The following SLC25A22 variants were observed in gnomAD, a reference collection of about 807,000 sequenced individuals.
The protein encoded by SLC25A22 is solute carrier family 25 member 22.
Under a neutral mutation model 33.7 loss-of-function variants are expected in SLC25A22, and 23 were observed. The observed-to-expected ratio is 0.68, with a 90% CI of 0.49 to 0.97. The LOEUF (loss-of-function observed/expected upper bound fraction) is 0.97, where lower values mean the gene tolerates loss of function less well. SLC25A22 is among the 50% of genes least tolerant of loss of function. The probability of loss-of-function intolerance (pLI) is 0.00; values close to 1 mark genes in which losing one functional copy is unlikely to be tolerated. For synonymous variants in SLC25A22, 245 were observed against 203.8 expected, an observed-to-expected ratio of 1.20 and a Z score of -1.72; for missense variants, 390 against 451.1, an observed-to-expected ratio of 0.86 and a Z score of 1.23.
At chr11:795,666 C>T (rs974903393) in intron 1 of SLC25A22, 8 of 186,182 alleles carry the variant, frequency 4.3e-5, no homozygotes, top group Non-Finnish European at 9.2e-5. Context: ...CCAGGTATAG[C>T]TCTCCTCCCA....
chr11:794,459 C>T lies in SLC25A22; in HGVS notation c.201G>A (p.Arg67=), dbSNP rs746482231. 2.5e-5 allele frequency: 41 copies of T among 1,612,882 alleles called. No individual in the cohort carries two copies. Among genetic ancestry groups the T allele is most frequent in the Non-Finnish European group, 3.5e-5 (41 of 1,179,828 alleles). Reference sequence around the variant, plus strand: ...GAGCCCAGCCGAGCCAAACCTCACCCCGGTACATGCCGAAGTAGCCCTCGG... The same window carrying T: ...GAGCCCAGCCGAGCCAAACCTCACCTCGGTACATGCCGAAGTAGCCCTCGG... ...VRSEGYFGMY[R]GAAVNLTLVT... Residue 67 remains arginine, a splice_region_variant and synonymous_variant, in exon 4 of 10, where the codon CGG becomes CGA. Coordinates refer to ENST00000628067, the MANE Select transcript of SLC25A22 (RefSeq NM_001191061.2).
In SLC25A22 at chr11:792,859, C is replaced by T; in HGVS notation, c.412+11G>A. On this transcript the variant is annotated intron_variant, in intron 6 of 9. Coordinates refer to ENST00000628067, the MANE Select transcript of SLC25A22 (RefSeq NM_001191061.2). ...ACCTCTGCCCTCTCCTCCCCCTCCC[C>T]CCGCCCTCACCAATGCGCCCTGCAT... The T allele has an allele frequency of 1.4e-6, 2 of 1,449,662 alleles. No individual in the cohort carries two copies. Among genetic ancestry groups the T allele is most frequent in the Non-Finnish European group, 1.9e-6 (2 of 1,035,392 alleles). 89.8% of individuals were successfully genotyped at this position (1,449,662 alleles called of 1,614,324 possible). A position where few individuals can be genotyped will look rare whatever the true frequency, so the allele number is the denominator to read the frequency against.
In SLC25A22 at chr11:794,867, C is replaced by T. The variant is rs780652429; in HGVS notation, c.55G>A (p.Gly19Arg). 4.5e-6 allele frequency: 7 copies of T among 1,569,364 alleles called. No individual in the cohort carries two copies. The highest frequency in any genetic ancestry group is 1.2e-5 in the South Asian group (1 of 85,516). ...PAKLINGGIA[G>R]LIGVTCVFPI... ...AACACGCAGGTGACACCGATCAGCC[C>T]GGCGATGCCGCCATTGATGAGCTTG... Residue 19 changes from glycine (G) to arginine (R), a missense_variant, in exon 3 of 10, where the codon GGG becomes AGG. Gly to Arg is a moderately radical substitution (Grantham distance 125). Coordinates refer to ENST00000628067, the MANE Select transcript of SLC25A22 (RefSeq NM_001191061.2).
Position 791,070 on chromosome 11 carries a change from A to T in SLC25A22, c.*845T>A, listed in dbSNP as rs886048691. 2 of 152,448 alleles carry T rather than the reference A, an allele frequency of 1.3e-5. No individual in the cohort carries two copies. Among genetic ancestry groups the T allele is most frequent in the Non-Finnish European group, 2.9e-5 (2 of 68,260 alleles). 9.4% of individuals were successfully genotyped at this position (152,448 alleles called of 1,614,324 possible). A position where few individuals can be genotyped will look rare whatever the true frequency, so the allele number is the denominator to read the frequency against. The stretch of plus-strand genomic sequence containing the variant: ...GGACTCAGGAGAGACCAAGCTGGGT[A>T]AGTTAGTTCCTGGACGGGGTCAACA... On this transcript the variant is annotated 3_prime_UTR_variant, in exon 10 of 10. Transcript: ENST00000628067.
At chr11:793,079 G>C in intron 5 of SLC25A22, 91 bp from the exon 6 acceptor site, 1 of 1,235,410 alleles carries the variant, frequency 8.1e-7, no homozygotes, top group South Asian at 1.3e-5. Flanking sequence ...GCAGAGGATG[G>C]TGGGAGCCGT....
intron 1 of SLC25A22, chr11:797,773 G>A (rs1375017981): frequency 5.0e-6 from 2 of 398,584 alleles, no homozygotes; most frequent in African/African-American, 4.1e-5. Context: ...GAGGACAAAG[G>A]AGAAGCGGGT....
Position 792,732 on chromosome 11 carries a change from G to A in SLC25A22, c.413-5C>T, listed in dbSNP as rs1233164557. 1 of 1,545,518 alleles carries A rather than the reference G, an allele frequency of 6.5e-7. No homozygotes were observed. Among genetic ancestry groups the A allele is most frequent in the South Asian group, 1.2e-5 (1 of 85,186 alleles). On this transcript the variant is annotated splice_polypyrimidine_tract_variant and splice_region_variant and intron_variant, in intron 6 of 9. Transcript: ENST00000628067. ...CCAGGATCTTCCTCTGGGCGGCTGG[G>A]GACAAAGAGGCTGCTGTCTCCTCTT...
chr11:793,405 A>G (rs1252751384), intron 5 of SLC25A22, 124 bp downstream of exon 5: 8 of 904,744 alleles, frequency 8.8e-6, no homozygotes, highest in South Asian at 1.4e-5. Flanking sequence ...CACGAGGTCA[A>G]AGAAGCCCCA....
intron 5 of SLC25A22, 152 bp downstream of exon 5, chr11:793,377 A>G: frequency 1.4e-6 from 1 of 729,386 alleles, no homozygotes; most frequent in Non-Finnish European, 2.4e-6. Context: ...TGGTCAGGGG[A>G]AAGGAGGGAG....
chr11:794,181 A>G, intron 4 of SLC25A22: 1 of 690,658 alleles, frequency 1.4e-6, no homozygotes, highest in Non-Finnish European at 2.6e-6. Flanking sequence ...CAGAAGGCAG[A>G]GGCAGCTGTG....
chr11:792,052 C>T lies in SLC25A22; in HGVS notation c.835G>A (p.Glu279Lys). The change falls in exon 10 of 10, where the codon GAG (glutamate) becomes AAG (lysine). Residue 279 changes from glutamate (E) to lysine (K), a missense_variant. Glu to Lys is a moderately conservative substitution (Grantham distance 56, BLOSUM62 1). Coordinates refer to ENST00000628067, the MANE Select transcript of SLC25A22 (RefSeq NM_001191061.2). The stretch of plus-strand genomic sequence containing the variant: ...CCCTTCAGGAAGGCCGAGGGGCCCT[C>T]GTGCCGCAGGATCTTCCTGTGGAGG... ...LDCARKILRH[E>K]GPSAFLKGAY... is the part of the protein sequence containing the mutation. The T allele has an allele frequency of 1.9e-6, 3 of 1,598,778 alleles. No homozygotes were observed. Among genetic ancestry groups the T allele is most frequent in the Non-Finnish European group, 2.6e-6 (3 of 1,173,224 alleles).
chr11:795,075 T>TGGAGGA lies in SLC25A22; in HGVS notation c.-75_-70dup. The TGGAGGA allele has an allele frequency of 7.2e-7, 1 of 1,386,776 alleles. No homozygotes were observed. Among genetic ancestry groups the TGGAGGA allele is most frequent in the African/African-American group, 1.5e-5 (1 of 64,808 alleles). The allele number at this position is 1,386,776 out of a possible 1,614,324, so 85.9% of individuals were successfully genotyped here. A position where few individuals can be genotyped will look rare whatever the true frequency, so the allele number is the denominator to read the frequency against. On this transcript the variant is annotated 5_prime_UTR_variant, in exon 2 of 10. Coordinates refer to ENST00000628067, the MANE Select transcript of SLC25A22 (RefSeq NM_001191061.2). Reference sequence around the variant, plus strand: ...AGGCCAGGCGGGGTGGAGGTGGAGGTGGAGGAGGCCTTGAGGGAGGGTGGG... The same window carrying TGGAGGA: ...AGGCCAGGCGGGGTGGAGGTGGAGGTGGAGGAGGAGGAGGCCTTGAGGGAGGGTGGG...
chr11:797,683 C>A (rs986964202), intron 1 of SLC25A22: 1 of 398,694 alleles, frequency 2.5e-6, no homozygotes, highest in Non-Finnish European at 4.4e-6. Context: ...CCGCTGTCCC[C>A]GTCCTCTTGG....
intron 1 of SLC25A22, among the ~76,000 whole-genome samples, chr11:795,861 C>T (rs1011522893): frequency 3.3e-5 from 5 of 152,194 alleles, no homozygotes; most frequent in Admixed American, 2.0e-4. Context: ...TCTGAGGCCC[C>T]CTGTGGCTGG....
chr11:795,378 CCA>C (rs1176807957), intron 1 of SLC25A22: 7,508 of 354,972 alleles, frequency 0.021, 46 homozygotes, highest in South Asian at 0.063. Flanking sequence ...CCCCCCCTCC[CCA>C]CCGCCAGCGT....
chr11:793,109 TG>T (rs1369016893), intron 5 of SLC25A22, 121 bp from the exon 6 acceptor site: 1 of 929,660 alleles, frequency 1.1e-6, no homozygotes, highest in Admixed American at 2.0e-5. Context: ...TGCAGGCCTG[TG>T]GGGGTACAGC....
chr11:794,622 C>A (rs777031866), intron 3 of SLC25A22, 109 bp from the exon 4 acceptor site: 2 of 1,528,694 alleles, frequency 1.3e-6, no homozygotes, highest in African/African-American at 1.4e-5. Context: ...AGCCCAGCCC[C>A]GACCCCAGTC....
intron 5 of SLC25A22, 79 bp downstream of exon 5, chr11:793,450 G>T: frequency 7.2e-7 from 1 of 1,391,960 alleles, no homozygotes; most frequent in East Asian, 2.3e-5. Context: ...GCCCCCAGGT[G>T]GGACCCAGCT....
intron 1 of SLC25A22, among the ~76,000 whole-genome samples, chr11:796,991 C>A (rs1485420720): frequency 6.6e-6 from 1 of 152,188 alleles, no homozygotes; most frequent in East Asian, 1.9e-4. Context: ...CACAGCTCTC[C>A]GGGCTGCGCT....
Sources: allele counts gnomAD v4.1 joint callset (sites outside exome capture counted in the v4.1 genomes callset), GRCh38; gene constraint gnomAD v4.1.1; transcripts MANE v1.5; gene names NCBI Gene and HGNC (gene_info 2026-07-23, HGNC 2026-07-21).